FANCC: variants seen among roughly 807,000 people sequenced by gnomAD.
FANCC encodes FA complementation group C.
A neutral mutation model predicts 71.3 loss-of-function variants in FANCC; 55 were observed. The ratio of observed to expected loss-of-function variants is 0.77; its 90% CI spans 0.62 to 0.97. The LOEUF (loss-of-function observed/expected upper bound fraction) is 0.97, where lower values mean the gene tolerates loss of function less well. FANCC is among the 50% of genes least tolerant of loss of function. The pLI is 0.00. For missense variants in FANCC, 678 were observed against 670.9 expected (o/e 1.01, Z -0.12); for synonymous variants, 275 against 244.9 (o/e 1.12, Z -1.15).
At chr9:95,307,264 G>T (rs1835123339) in intron 1 of FANCC, among the ~76,000 whole-genome samples, 1 of 152,054 alleles carries the variant, frequency 6.6e-6, no homozygotes, top group African/African-American at 2.4e-5. Flanking sequence ...AATTTGGAAA[G>T]TACAAAGCAC....
At chr9:95,256,535 AAG>A (rs1220315577) in intron 1 of FANCC, among the ~76,000 whole-genome samples, 1 of 152,224 alleles carries the variant, frequency 6.6e-6, no homozygotes, top group Non-Finnish European at 1.5e-5. Flanking sequence ...CTCTTGAAGG[AAG>A]TATTAAATAT....
intron 4 of FANCC, among the ~76,000 whole-genome samples, chr9:95,227,166 G>A: frequency 6.6e-6 from 1 of 152,134 alleles, no homozygotes; most frequent in East Asian, 1.9e-4. Flanking sequence ...TCCTCTCTAA[G>A]AGAAATGATC....
chr9:95,177,420 CACCACTGTAGA>C (rs1268784120), intron 4 of FANCC, among the ~76,000 whole-genome samples: 4 of 152,188 alleles, frequency 2.6e-5, no homozygotes, highest in African/African-American at 9.7e-5. Context: ...CATGACTCTG[CACCACTGTAGA>C]CTTCACAGAC....
intron 4 of FANCC, among the ~76,000 whole-genome samples, chr9:95,225,746 G>GA (rs953402559): frequency 4.0e-5 from 6 of 151,822 alleles, no homozygotes; most frequent in East Asian, 1.9e-4. Flanking sequence ...TAAATAAAAT[G>GA]AAAAAAACAA....
chr9:95,289,051 C>T (rs372285951), intron 1 of FANCC, among the ~76,000 whole-genome samples: 10 of 152,070 alleles, frequency 6.6e-5, no homozygotes, highest in African/African-American at 2.2e-4. Context: ...CAATGAGCTA[C>T]GGATCATGCC....
intron 8 of FANCC, among the ~76,000 whole-genome samples, chr9:95,132,656 G>A (rs144007600): frequency 7.2e-5 from 11 of 152,292 alleles, no homozygotes; most frequent in South Asian, 4.1e-4. Flanking sequence ...AAAAGTGAAC[G>A]GGTTTTGAAA....
intron 4 of FANCC, among the ~76,000 whole-genome samples, chr9:95,181,923 T>C (rs1408053218): frequency 6.6e-6 from 1 of 152,220 alleles, no homozygotes; most frequent in Non-Finnish European, 1.5e-5. Flanking sequence ...TGGGTGCTGT[T>C]AGTTGTCCTT....
intron 7 of FANCC, among the ~76,000 whole-genome samples, chr9:95,138,647 G>A (rs951388931): frequency 6.6e-6 from 1 of 152,192 alleles, no homozygotes; most frequent in South Asian, 2.1e-4. Context: ...TGCAGTGAGA[G>A]GTCTTCTGCC....
chr9:95,268,120 A>C (rs1439297581), intron 1 of FANCC, among the ~76,000 whole-genome samples: 2 of 152,244 alleles, frequency 1.3e-5, no homozygotes, highest in Non-Finnish European at 2.9e-5. Context: ...CAGTTGGTGG[A>C]TATAGGTGAA....
At chr9:95,128,005 C>A (rs913923334) in intron 8 of FANCC, among the ~76,000 whole-genome samples, 1 of 152,208 alleles carries the variant, frequency 6.6e-6, no homozygotes, top group Admixed American at 6.5e-5. Flanking sequence ...CTAAAAGGAA[C>A]CAACTTGATA....
chr9:95,215,147 A>G (rs1828778534), intron 4 of FANCC, among the ~76,000 whole-genome samples: 1 of 152,238 alleles, frequency 6.6e-6, no homozygotes, highest in Non-Finnish European at 1.5e-5. Flanking sequence ...TTCAAAGACA[A>G]AGATATCTCT....
Position 95,168,688 on chromosome 9 carries a change from G to A in FANCC, c.521+2391C>T, listed in dbSNP as rs114041355. Among the ~76,000 whole-genome samples, 1,496 of 152,216 alleles carry A rather than the reference G, an allele frequency of 9.8e-3. 20 individuals are homozygous for A. Among genetic ancestry groups the A allele is most frequent in the African/African-American group, 0.034 (1,408 of 41,542 alleles). ...TGGGACTACAGGCATAAGCCACCAC[G>A]CCCAGCTAATTTGTACTTTTAGTAG... On this transcript the variant is annotated intron_variant, in intron 6 of 14. Coordinates refer to ENST00000289081, the MANE Select transcript of FANCC (RefSeq NM_000136.3).
chr9:95,174,849 C>T (rs951508707), intron 4 of FANCC, among the ~76,000 whole-genome samples: 2 of 151,976 alleles, frequency 1.3e-5, no homozygotes, highest in Admixed American at 6.6e-5. Flanking sequence ...ACGACAAGCA[C>T]GTGGCACACA....
intron 1 of FANCC, among the ~76,000 whole-genome samples, chr9:95,281,183 G>C (rs1338412336): frequency 3.3e-5 from 5 of 151,992 alleles, no homozygotes; most frequent in Non-Finnish European, 5.9e-5. Context: ...AGCTATCCAC[G>C]TACAGGAAGA....
At chr9:95,181,627 A>G (rs1045205250) in intron 4 of FANCC, among the ~76,000 whole-genome samples, 4 of 152,212 alleles carry the variant, frequency 2.6e-5, no homozygotes, top group African/African-American at 9.7e-5. Flanking sequence ...TAAATATACA[A>G]ATCAGTATTT....
At chr9:95,303,505 T>A (rs980265706) in intron 1 of FANCC, among the ~76,000 whole-genome samples, 1 of 152,208 alleles carries the variant, frequency 6.6e-6, no homozygotes, top group Non-Finnish European at 1.5e-5. Context: ...AAATATCACA[T>A]ACATGGTGGC....
intron 4 of FANCC, among the ~76,000 whole-genome samples, chr9:95,202,539 T>C (rs1406191135): frequency 3.3e-5 from 5 of 152,210 alleles, no homozygotes; most frequent in East Asian, 1.9e-4. Flanking sequence ...TTGCCATAAA[T>C]TGCCAACAAA....
At chr9:95,182,778 A>G (rs1030200941) in intron 4 of FANCC, among the ~76,000 whole-genome samples, 15 of 152,102 alleles carry the variant, frequency 9.9e-5, no homozygotes, top group Non-Finnish European at 1.6e-4. Flanking sequence ...GGGTACTTCC[A>G]GAGACAATGG....
chr9:95,265,179 T>C (rs1832311342), intron 1 of FANCC, among the ~76,000 whole-genome samples: 1 of 152,138 alleles, frequency 6.6e-6, no homozygotes, highest in Non-Finnish European at 1.5e-5. Context: ...GACCTGAAAT[T>C]TGCAGATAAT....
Sources: allele counts gnomAD v4.1 joint callset (sites outside exome capture counted in the v4.1 genomes callset), GRCh38; gene constraint gnomAD v4.1.1; transcripts MANE v1.5; gene names NCBI Gene and HGNC (gene_info 2026-07-23, HGNC 2026-07-21).